Variants in CXADR observed in about 807,000 individuals in gnomAD.
The protein encoded by CXADR is CXADR cell adhesion molecule.
Under a neutral mutation model 40.3 loss-of-function variants are expected in CXADR, and 20 were observed. That is an observed-to-expected ratio of 0.50 (90% CI 0.35 to 0.72). The LOEUF (loss-of-function observed/expected upper bound fraction) is 0.72, where lower values mean the gene tolerates loss of function less well. Ranked by LOEUF, CXADR falls within the 30% of genes least tolerant of loss-of-function variation. The pLI, the probability that CXADR is intolerant of heterozygous loss-of-function variation, is 0.01. For missense variants in CXADR, 332 were observed against 449.1 expected (o/e 0.74, Z 2.36); for synonymous variants, 150 against 161.3 (o/e 0.93, Z 0.53).
At chr21:17,623,769 A>C in the CXADR span, among the ~76,000 whole-genome samples, 1 of 152,160 alleles carries the variant, frequency 6.6e-6, no homozygotes, top group Non-Finnish European at 1.5e-5. Flanking sequence ...GGCTGGGACC[A>C]AAAATTTTGG....
At chr21:17,573,846 G>A (rs957184996), downstream of CXADR, among the ~76,000 whole-genome samples, 2 of 152,250 alleles carry the variant, frequency 1.3e-5, no homozygotes, top group Non-Finnish European at 1.5e-5. Context: ...GGCGGAGGCT[G>A]CAGTGAGCCG....
At chr21:17,572,207 CAA>C (rs71333561), downstream of CXADR, among the ~76,000 whole-genome samples, 3 of 141,284 alleles carry the variant, frequency 2.1e-5, no homozygotes, top group Non-Finnish European at 4.5e-5. Flanking sequence ...ACTAAAAATA[CAA>C]AAAAAAAAAA....
chr21:17,546,586 G>A (rs2060899903), intron 1 of CXADR, among the ~76,000 whole-genome samples: 1 of 152,088 alleles, frequency 6.6e-6, no homozygotes, highest in African/African-American at 2.4e-5. Context: ...TCAGCAAGGG[G>A]GAAATCCACC....
rs2061228379 is a variant in CXADR at position 17,567,654 on chromosome 21, A to G, written c.*1962A>G. ...AACACTCTATGTTTCTGATTTTATA[A>G]CAGTAGCCATTTTTGAAAGTCAGAT... On this transcript the variant is annotated 3_prime_UTR_variant, in exon 7 of 7. Coordinates refer to ENST00000284878, the MANE Select transcript of CXADR (RefSeq NM_001338.5). 4 of 981,692 alleles carry G rather than the reference A, an allele frequency of 4.1e-6. No homozygotes were observed. The highest frequency in any genetic ancestry group is 4.8e-6 in the Non-Finnish European group (4 of 826,532). The allele number at this position is 981,692 out of a possible 1,614,324, so 60.8% of individuals were successfully genotyped here. A position where few individuals can be genotyped will look rare whatever the true frequency, so the allele number is the denominator to read the frequency against.
At chr21:17,565,404 T>G in intron 6 of CXADR, 24 bp from the exon 7 acceptor site, 1 of 1,608,170 alleles carries the variant, frequency 6.2e-7, no homozygotes, top group Non-Finnish European at 8.5e-7. Flanking sequence ...TCTCTTGACA[T>G]GTATTGGGGA....
At chr21:17,521,271 G>A (rs2123116070) in intron 1 of CXADR, among the ~76,000 whole-genome samples, 1 of 152,236 alleles carries the variant, frequency 6.6e-6, no homozygotes, top group Admixed American at 6.5e-5. Flanking sequence ...CATTCAGAAA[G>A]TTCCCATGGG....
In CXADR at chr21:17,539,086, G is replaced by A. The variant is rs551689077; in HGVS notation, c.44-7941G>A. On this transcript the variant is annotated intron_variant, in intron 1 of 6. Transcript: ENST00000284878. ...GTTTGTGCAGATGATTGGTGATGCAGCTATTTCTTGCATCTGTGATCTTAT... is the reference window on the plus strand; with the variant it reads ...GTTTGTGCAGATGATTGGTGATGCAACTATTTCTTGCATCTGTGATCTTAT... 2.6e-5 allele frequency among the ~76,000 whole-genome samples: 4 copies of A among 152,312 alleles called. 1 individual carries two copies. The East Asian group carries it at 7.7e-4, about 29-fold the overall frequency.
chr21:17,581,827 CA>C (rs2061361817), intron 7 of CXADR, among the ~76,000 whole-genome samples: 1 of 408 alleles, frequency 2.5e-3, no homozygotes, highest in Non-Finnish European at 6.1e-3. Flanking sequence ...CCTGGGGTGA[CA>C]AAGGCTAAGA....
intron 2 of CXADR, among the ~76,000 whole-genome samples, chr21:17,548,790 G>A (rs763103480): frequency 6.6e-6 from 1 of 152,212 alleles, no homozygotes; most frequent in African/African-American, 2.4e-5. Context: ...TGAGAGGCAC[G>A]GCTTTGCCGT....
At chr21:17,536,080 A>G (rs1049704083) in intron 1 of CXADR, among the ~76,000 whole-genome samples, 1 of 152,218 alleles carries the variant, frequency 6.6e-6, no homozygotes, top group Non-Finnish European at 1.5e-5. Context: ...GAATGGCGCC[A>G]GATATTTCGA....
chr21:17,552,693 TA>T (rs1342183259), intron 3 of CXADR, among the ~76,000 whole-genome samples: 8 of 152,202 alleles, frequency 5.3e-5, no homozygotes, highest in African/African-American at 1.9e-4. Context: ...CATAGCTGTC[TA>T]GCTCTCTGCT....
At chr21:17,586,957 C>T (rs930572234) in intron 7 of CXADR, among the ~76,000 whole-genome samples, 15 of 152,198 alleles carry the variant, frequency 9.9e-5, no homozygotes, top group Admixed American at 2.0e-4. Context: ...TCTCGTTGTT[C>T]AATTCCCACC....
intron 3 of CXADR, 78 bp from the exon 4 acceptor site, chr21:17,558,898 G>A: frequency 7.1e-7 from 1 of 1,407,380 alleles, no homozygotes; most frequent in Non-Finnish European, 9.6e-7. Context: ...TAATGAGTCA[G>A]TGGTTGTGTA....
intron 6 of CXADR, among the ~76,000 whole-genome samples, 177 bp downstream of exon 6, chr21:17,561,653 A>G (rs1267025685): frequency 6.6e-6 from 1 of 152,164 alleles, no homozygotes; most frequent in Non-Finnish European, 1.5e-5. Flanking sequence ...CAGAGCTCCA[A>G]CCACCATTCG....
chr21:17,601,911 A>C, the CXADR span, among the ~76,000 whole-genome samples: 8 of 152,260 alleles, frequency 5.3e-5, no homozygotes, highest in South Asian at 1.2e-3. Context: ...TTGGTTCTGC[A>C]TTTTTCCCTT....
downstream of CXADR, among the ~76,000 whole-genome samples, chr21:17,597,095 A>G (rs1256727973): frequency 6.6e-6 from 1 of 152,126 alleles, no homozygotes; most frequent in Non-Finnish European, 1.5e-5. Flanking sequence ...GTATTAGGCC[A>G]AGGAGAAATG....
the CXADR span, among the ~76,000 whole-genome samples, chr21:17,617,421 G>A: frequency 5.9e-5 from 9 of 152,176 alleles, no homozygotes; most frequent in Non-Finnish European, 1.2e-4. Flanking sequence ...ATGTGCTGCC[G>A]AAGCGAGCAC....
At chr21:17,601,716 C>T in the CXADR span, among the ~76,000 whole-genome samples, 1 of 152,154 alleles carries the variant, frequency 6.6e-6, no homozygotes, top group Non-Finnish European at 1.5e-5. Context: ...GTGTTAATGA[C>T]ACTAATATAA....
intron 3 of CXADR, among the ~76,000 whole-genome samples, chr21:17,554,189 T>C (rs1205291282): frequency 2.0e-5 from 3 of 152,224 alleles, no homozygotes; most frequent in Admixed American, 2.0e-4. Flanking sequence ...TTGTGTATTG[T>C]CTGGATCCTG....
Sources: gnomAD v4.1 joint callset for allele counts (sites outside exome capture counted in the v4.1 genomes callset) on GRCh38, gnomAD v4.1.1 for gene constraint, MANE v1.5 for transcripts, NCBI Gene and HGNC (gene_info 2026-07-23, HGNC 2026-07-21) for gene names.